The following AOAH variants were observed in gnomAD, a reference collection of about 807,000 sequenced individuals.
AOAH encodes the protein acyloxyacyl hydrolase (neutrophil).
Under a neutral mutation model 92.2 loss-of-function variants are expected in AOAH, and 64 were observed. The ratio of observed to expected loss-of-function variants is 0.69; its 90% CI spans 0.57 to 0.86. The LOEUF is 0.86. AOAH is among the 40% of genes least tolerant of loss of function. The pLI is 0.00. For missense variants in AOAH, 656 were observed against 694.6 expected (o/e 0.94, Z 0.62); for synonymous variants, 263 against 254.5 (o/e 1.03, Z -0.32).
chr7:36,540,236 T>G, intron 16 of AOAH, 83 bp downstream of exon 16: 1 of 1,297,554 alleles, frequency 7.7e-7, no homozygotes, highest in Non-Finnish European at 1.0e-6. Flanking sequence ...TTAGGCACAT[T>G]TCTATATGGT....
chr7:36,588,177 G>A (rs1789486452), intron 12 of AOAH, among the ~76,000 whole-genome samples: 1 of 152,204 alleles, frequency 6.6e-6, no homozygotes, highest in Non-Finnish European at 1.5e-5. Flanking sequence ...TAAACTGGGA[G>A]GTGAAGAACA....
At chr7:36,622,449 C>T (rs1792349745) in intron 7 of AOAH, among the ~76,000 whole-genome samples, 1 of 152,138 alleles carries the variant, frequency 6.6e-6, no homozygotes, top group South Asian at 2.1e-4. Context: ...TTATTTCCTC[C>T]ATCCCCAAGT....
At chr7:36,576,680 AT>A (rs1200314724) in intron 12 of AOAH, 24 bp from the exon 13 acceptor site, 2 of 1,277,360 alleles carry the variant, frequency 1.6e-6, no homozygotes, top group Non-Finnish European at 2.2e-6. Flanking sequence ...ATATGTATAT[AT>A]TTAAGGTCAG....
At chr7:36,515,926 C>T (rs1387431016) in intron 20 of AOAH, among the ~76,000 whole-genome samples, 16 of 141,338 alleles carry the variant, frequency 1.1e-4, no homozygotes, top group Non-Finnish European at 9.3e-5. Context: ...CACACACATA[C>T]ATCACACACA....
chr7:36,665,769 AT>A (rs1200584960), intron 3 of AOAH, among the ~76,000 whole-genome samples: 1 of 151,950 alleles, frequency 6.6e-6, no homozygotes. Flanking sequence ...TGAATATTGG[AT>A]TTTGTTAAAT....
At chr7:36,607,249 AT>A (rs1791072867) in intron 11 of AOAH, among the ~76,000 whole-genome samples, 2 of 152,232 alleles carry the variant, frequency 1.3e-5, no homozygotes, top group African/African-American at 4.8e-5. Context: ...AACTAGCCTC[AT>A]AGAAGGCAGA....
chr7:36,627,545 C>CAA (rs146066329), intron 6 of AOAH, among the ~76,000 whole-genome samples: 6,198 of 145,752 alleles, frequency 0.043, 269 homozygotes, highest in African/African-American at 0.12. Context: ...GGAAAGCACT[C>CAA]AAAAAAAAAA....
intron 4 of AOAH, among the ~76,000 whole-genome samples, chr7:36,650,912 CAG>C (rs1261920139): frequency 1.4e-4 from 22 of 152,192 alleles, no homozygotes; most frequent in African/African-American, 5.1e-4. Flanking sequence ...GGACCTTCTT[CAG>C]AGAGGTTGGT....
chr7:36,625,159 C>T (rs1384863172), intron 6 of AOAH, among the ~76,000 whole-genome samples: 2 of 152,066 alleles, frequency 1.3e-5, no homozygotes, highest in African/African-American at 2.4e-5. Flanking sequence ...ACATTCCTGC[C>T]CTGGGGGACA....
intron 1 of AOAH, among the ~76,000 whole-genome samples, chr7:36,717,913 T>C (rs186596559): frequency 1.4e-3 from 219 of 151,952 alleles, no homozygotes; most frequent in Middle Eastern, 6.8e-3. Flanking sequence ...AGGTCTTAGA[T>C]ATGACACCAA....
chr7:36,672,003 A>G (rs543125519), intron 3 of AOAH, among the ~76,000 whole-genome samples: 1 of 152,292 alleles, frequency 6.6e-6, no homozygotes, highest in Admixed American at 6.5e-5. Context: ...GTCTAGCTAT[A>G]ATGTAGATTA....
chr7:36,705,672 T>A (rs1798356791), intron 1 of AOAH, among the ~76,000 whole-genome samples: 1 of 152,036 alleles, frequency 6.6e-6, no homozygotes, highest in African/African-American at 2.4e-5. Context: ...AGCCCGTATA[T>A]CCAAGACAAT....
intron 16 of AOAH, among the ~76,000 whole-genome samples, chr7:36,539,017 C>A (rs141807278): frequency 6.6e-6 from 1 of 152,180 alleles, no homozygotes; most frequent in Non-Finnish European, 1.5e-5. Context: ...TGGGGAGAGG[C>A]GGAATTTCCT....
Position 36,613,594 on chromosome 7 carries a change from T to G in AOAH, c.846+2786A>C, listed in dbSNP as rs118141021. ...CCTCTCTCCTCTCTTCCCTCTTGAT[T>G]TTCACAACTAGCCTTTCTCCTGAGT... On this transcript the variant is annotated intron_variant, in intron 11 of 20. Transcript: ENST00000617537. Among the ~76,000 whole-genome samples the G allele has an allele frequency of 7.7e-3, 1,169 of 152,306 alleles. 9 individuals are homozygous for G. The highest frequency in any genetic ancestry group is 0.012 in the Non-Finnish European group (826 of 68,022).
chr7:36,683,980 C>A (rs574020764), intron 2 of AOAH, among the ~76,000 whole-genome samples: 1 of 151,222 alleles, frequency 6.6e-6, no homozygotes, highest in African/African-American at 2.4e-5. Flanking sequence ...AGCAACAGAG[C>A]AAGACTCTGT....
Position 36,576,598 on chromosome 7 carries a change from C to A in AOAH, c.997G>T (p.Asp333Tyr). The A allele has an allele frequency of 3.2e-6, 5 of 1,578,092 alleles. No individual in the cohort carries two copies. The highest frequency in any genetic ancestry group is 4.5e-5 in the East Asian group (2 of 43,992). ...LWKRNHCNHR[D>Y]YQNISRNGAS... The stretch of plus-strand genomic sequence containing the variant: ...CCATTTCTTGAAATATTCTGGTAGT[C>A]CCTGTGATTACAGTGGTTTCTTTTC... The change falls in exon 13 of 21, where the codon GAC becomes TAC. Residue 333 changes from aspartate (D) to tyrosine (Y), a missense_variant. Physicochemically the swap from Asp to Tyr is radical, Grantham distance 160. Coordinates refer to ENST00000617537, the MANE Select transcript of AOAH (RefSeq NM_001637.4).
At chr7:36,554,685 G>A (rs1377779333) in intron 13 of AOAH, among the ~76,000 whole-genome samples, 2 of 151,190 alleles carry the variant, frequency 1.3e-5, no homozygotes, top group East Asian at 3.9e-4. Flanking sequence ...AGTTCTCCTT[G>A]AAGAGGTCCT....
At chr7:36,641,097 C>G (rs1223903236) in intron 4 of AOAH, among the ~76,000 whole-genome samples, 1 of 152,202 alleles carries the variant, frequency 6.6e-6, no homozygotes, top group Non-Finnish European at 1.5e-5. Context: ...ATACATCCTC[C>G]CTACTTTACA....
chr7:36,593,036 T>C (rs1237852025), intron 12 of AOAH, among the ~76,000 whole-genome samples: 1 of 152,150 alleles, frequency 6.6e-6, no homozygotes, highest in East Asian at 1.9e-4. Context: ...ATGACCCCAG[T>C]CTCCCATGTG....
Sources: gnomAD v4.1 joint callset for allele counts (sites outside exome capture counted in the v4.1 genomes callset) on GRCh38, gnomAD v4.1.1 for gene constraint, MANE v1.5 for transcripts, NCBI Gene and HGNC (gene_info 2026-07-23, HGNC 2026-07-21) for gene names.